Variants in CDKAL1 observed in about 807,000 individuals in gnomAD.
The protein encoded by CDKAL1 is CDKAL1 threonylcarbamoyladenosine tRNA methylthiotransferase, also known as threonylcarbamoyladenosine tRNA methylthiotransferase.
CDKAL1 carries 32 observed loss-of-function variants against 68.2 expected under a neutral mutation model. That is an observed-to-expected ratio of 0.47 (90% CI 0.35 to 0.63). The LOEUF (loss-of-function observed/expected upper bound fraction) is 0.63, where lower values mean the gene tolerates loss of function less well. Among genes scored for constraint, CDKAL1 ranks in the 30% least tolerant of loss-of-function variants. The pLI, the probability that CDKAL1 is intolerant of heterozygous loss-of-function variation, is 0.00. For synonymous variants in CDKAL1, 234 were observed against 244.3 expected, an observed-to-expected ratio of 0.96 and a Z score of 0.39; for missense variants, 606 against 696.7, an observed-to-expected ratio of 0.87 and a Z score of 1.47.
chr6:21,134,703 TG>T (rs1192867620), intron 13 of CDKAL1, among the ~76,000 whole-genome samples: 1 of 152,002 alleles, frequency 6.6e-6, no homozygotes, highest in Non-Finnish European at 1.5e-5. Context: ...GTAATTGCAG[TG>T]AGGTTTAATT....
intron 13 of CDKAL1, among the ~76,000 whole-genome samples, chr6:21,171,465 G>A (rs1777384089): frequency 1.3e-5 from 2 of 152,146 alleles, no homozygotes; most frequent in South Asian, 4.2e-4. Context: ...GCCCACCTTG[G>A]CCTCCCAAAG....
intron 11 of CDKAL1, among the ~76,000 whole-genome samples, chr6:21,044,859 A>G (rs541191546): frequency 2.6e-5 from 4 of 152,274 alleles, no homozygotes; most frequent in African/African-American, 9.6e-5. Context: ...AACTATAGAA[A>G]TTTATTTCTC....
At chr6:21,125,572 T>C (rs1774963541) in intron 13 of CDKAL1, among the ~76,000 whole-genome samples, 1 of 152,142 alleles carries the variant, frequency 6.6e-6, no homozygotes, top group Non-Finnish European at 1.5e-5. Context: ...CTCGGGAGGC[T>C]GAGGCAGGAG....
At chr6:21,225,499 G>A (rs9466007) in intron 15 of CDKAL1, among the ~76,000 whole-genome samples, 21,466 of 152,066 alleles carry the variant, frequency 0.14, 1,782 homozygotes, top group Non-Finnish European at 0.18. Context: ...CTCCTGTGAC[G>A]TCACCGTCAC....
At chr6:20,681,786 A>T (rs1405433654) in intron 5 of CDKAL1, among the ~76,000 whole-genome samples, 1 of 152,144 alleles carries the variant, frequency 6.6e-6, no homozygotes, top group East Asian at 1.9e-4. Flanking sequence ...GATAGTATCG[A>T]TACTGCCTCC....
chr6:21,113,689 G>C (rs1205056786), intron 13 of CDKAL1, among the ~76,000 whole-genome samples: 1 of 151,196 alleles, frequency 6.6e-6, no homozygotes, highest in African/African-American at 2.4e-5. Context: ...GGCCGGTCTC[G>C]AACTCCTGAC....
chr6:21,040,138 G>GA (rs1380888873), intron 11 of CDKAL1, among the ~76,000 whole-genome samples: 1 of 152,110 alleles, frequency 6.6e-6, no homozygotes, highest in Non-Finnish European at 1.5e-5. Context: ...TATGCATGTG[G>GA]ATAGACGGAG....
At chr6:20,862,491 G>A (rs909319299) in intron 9 of CDKAL1, among the ~76,000 whole-genome samples, 17 of 152,038 alleles carry the variant, frequency 1.1e-4, no homozygotes, top group Non-Finnish European at 1.6e-4. Context: ...TGCAATACTT[G>A]GAAAATGCTT....
Position 20,570,327 on chromosome 6 carries a change from C to G in CDKAL1, c.286+21622C>G, listed in dbSNP as rs1008738777. On this transcript the variant is annotated intron_variant, in intron 4 of 15. Coordinates refer to ENST00000274695, the MANE Select transcript of CDKAL1 (RefSeq NM_017774.3). ...CCATGTTGGCCAGTATGGTCTCTAT[C>G]TCTTGACCCCATGATCCATCCACCT... Among the ~76,000 whole-genome samples, 5 of 150,728 alleles carry G rather than the reference C, an allele frequency of 3.3e-5. No individual in the cohort carries two copies. The East Asian group carries it at 9.8e-4, about 30-fold the overall frequency.
intron 10 of CDKAL1, 105 bp from the exon 11 acceptor site, chr6:21,000,122 T>C (rs1254356021): frequency 6.3e-6 from 5 of 796,958 alleles, no homozygotes; most frequent in Non-Finnish European, 1.0e-5. Flanking sequence ...ATTGGTCTGT[T>C]TTCAGCTAGT....
intron 12 of CDKAL1, among the ~76,000 whole-genome samples, chr6:21,069,558 C>T (rs907646589): frequency 6.6e-6 from 1 of 151,886 alleles, no homozygotes; most frequent in Non-Finnish European, 1.5e-5. Flanking sequence ...GGTTATATTT[C>T]ATGAAGGTTT....
intron 9 of CDKAL1, among the ~76,000 whole-genome samples, chr6:20,946,763 A>C (rs1323322508): frequency 6.6e-6 from 1 of 151,484 alleles, no homozygotes; most frequent in African/African-American, 2.4e-5. Flanking sequence ...CGCCCAGCTA[A>C]TTTTCTATTT....
chr6:21,220,188 TCGTGCGTG>T (rs35663664), intron 15 of CDKAL1, among the ~76,000 whole-genome samples: 1 of 148,878 alleles, frequency 6.7e-6, no homozygotes, highest in African/African-American at 2.6e-5. Context: ...ATGTTAAAGC[TCGTGCGTG>T]CGTGCGTGTG....
intron 5 of CDKAL1, among the ~76,000 whole-genome samples, chr6:20,716,059 A>G (rs759883934): frequency 2.5e-4 from 38 of 152,332 alleles, no homozygotes; most frequent in Non-Finnish European, 3.7e-4. Context: ...AAAGGATTTG[A>G]TAGAATCTCA....
rs549792243 is a variant in CDKAL1, at chr6:20,553,669, A to G, written c.286+4964A>G. Among the ~76,000 whole-genome samples, 3 of 152,292 alleles carry G rather than the reference A, an allele frequency of 2.0e-5. No homozygotes were observed. In the East Asian group the frequency reaches 5.8e-4, roughly 29 times the overall value. On this transcript the variant is annotated intron_variant, in intron 4 of 15. Transcript: ENST00000274695. Reference sequence around the variant, plus strand: ...TCCGCTGCCCAGGCTGGAGTGCAGTAGCACCATCTCGGCTTACTGCAACCT... The same window carrying G: ...TCCGCTGCCCAGGCTGGAGTGCAGTGGCACCATCTCGGCTTACTGCAACCT...
At chr6:20,542,670 C>T (rs996424816) in intron 2 of CDKAL1, among the ~76,000 whole-genome samples, 1 of 152,134 alleles carries the variant, frequency 6.6e-6, no homozygotes, top group African/African-American at 2.4e-5. Context: ...ACACTTTACC[C>T]AGGTCTCCCG....
intron 8 of CDKAL1, among the ~76,000 whole-genome samples, chr6:20,799,045 T>TTTTTG (rs1776247658): frequency 2.9e-5 from 3 of 104,402 alleles, no homozygotes; most frequent in Non-Finnish European, 5.8e-5. Context: ...ACTGAGTTTT[T>TTTTTG]TTTTTTTTTT....
chr6:20,852,795 G>A (rs994530480), intron 9 of CDKAL1, among the ~76,000 whole-genome samples: 4 of 152,094 alleles, frequency 2.6e-5, no homozygotes, highest in Non-Finnish European at 4.4e-5. Context: ...AAAAAGTAGA[G>A]GCAGACCACC....
intron 12 of CDKAL1, among the ~76,000 whole-genome samples, chr6:21,090,250 T>C (rs984725988): frequency 4.6e-5 from 7 of 152,232 alleles, no homozygotes; most frequent in African/African-American, 1.7e-4. Context: ...GATTACTATA[T>C]GCAGACACTG....
Sources: gnomAD v4.1 joint callset for allele counts (sites outside exome capture counted in the v4.1 genomes callset) on GRCh38, gnomAD v4.1.1 for gene constraint, MANE v1.5 for transcripts, NCBI Gene and HGNC (gene_info 2026-07-23, HGNC 2026-07-21) for gene names.